Variants in SRRM4 observed in about 807,000 individuals in gnomAD.
SRRM4 encodes the protein serine/arginine repetitive matrix protein 4.
SRRM4 carries 33 observed loss-of-function variants against 68.9 expected under a neutral mutation model. The ratio of observed to expected loss-of-function variants is 0.48; its 90% confidence interval spans 0.36 to 0.64. The LOEUF is 0.64. Among genes scored for constraint, SRRM4 ranks in the 30% least tolerant of loss-of-function variants. The pLI is 0.00. For synonymous variants in SRRM4, 318 were observed against 318.8 expected (o/e 1.00, Z 0.03); for missense variants, 817 against 827.1 (o/e 0.99, Z 0.15).
At position 119,073,147 on chromosome 12, in the gene SRRM4, C is replaced by A. The variant is rs1476606988; in HGVS notation, c.132-29089C>A. Among the ~76,000 whole-genome samples the A allele has an allele frequency of 2.0e-5, 3 of 151,604 alleles. No homozygotes were observed. In the East Asian group the frequency reaches 5.8e-4, roughly 29 times the overall value. Reference sequence around the variant, plus strand: ...ATAATTGAGTCTGGGAACTAGATTGCCAAATGAATTGCCTGGTCTGGGGGA... The same window carrying A: ...ATAATTGAGTCTGGGAACTAGATTGACAAATGAATTGCCTGGTCTGGGGGA... On this transcript the variant is annotated intron_variant, in intron 1 of 12. Coordinates refer to ENST00000267260, the MANE Select transcript of SRRM4 (RefSeq NM_194286.4).
rs1165077731 is a variant in SRRM4 at position 119,116,983 on chromosome 12, A to T, written c.412A>T (p.Ser138Cys). ...PSPVKKKKKK[S>C]SKKHKRRRSF... ...GCCTGTCAAGAAAAAGAAGAAGAAA[A>T]GTTCCAAGAAACACAAGCGACGCAG... Residue 138 changes from serine (S) to cysteine (C), a missense_variant, in exon 4 of 13, where the codon AGT (serine) becomes TGT (cysteine). Physicochemically the swap from Ser to Cys is moderately radical, Grantham distance 112 (BLOSUM62 -1). Coordinates refer to ENST00000267260, the MANE Select transcript of SRRM4 (RefSeq NM_194286.4). The T allele has an allele frequency of 1.2e-6, 2 of 1,613,514 alleles. No individual in the cohort carries two copies. Among genetic ancestry groups the T allele is most frequent in the African/African-American group, 2.7e-5 (2 of 74,888 alleles).
At chr12:119,067,721 TAAATAAAAATAA>T (rs547930690) in intron 1 of SRRM4, among the ~76,000 whole-genome samples, 1 of 151,536 alleles carries the variant, frequency 6.6e-6, no homozygotes, top group Non-Finnish European at 1.5e-5. Context: ...AATAAATAAA[TAAATAAAAATAA>T]AAATAAAAAT....
intron 1 of SRRM4, among the ~76,000 whole-genome samples, chr12:119,052,659 G>A (rs1028424184): frequency 3.9e-5 from 6 of 152,098 alleles, no homozygotes. Flanking sequence ...CTCCCGAGTA[G>A]CTGGGACTAC....
At chr12:119,041,504 G>T (rs1467710354) in intron 1 of SRRM4, among the ~76,000 whole-genome samples, 1 of 152,116 alleles carries the variant, frequency 6.6e-6, no homozygotes, top group Admixed American at 6.5e-5. Flanking sequence ...TCAATTTCAA[G>T]AATAACACGA....
At chr12:119,064,182 C>T (rs1953831623) in intron 1 of SRRM4, among the ~76,000 whole-genome samples, 1 of 152,102 alleles carries the variant, frequency 6.6e-6, no homozygotes, top group Non-Finnish European at 1.5e-5. Flanking sequence ...TTCCAAAAAC[C>T]CCATTATTAA....
chr12:119,021,760 C>T (rs149963833), intron 1 of SRRM4, among the ~76,000 whole-genome samples: 46 of 152,300 alleles, frequency 3.0e-4, no homozygotes, highest in African/African-American at 9.6e-4. Context: ...GACATGGTCT[C>T]GTTCCTTTTT....
At chr12:119,078,555 G>T (rs1363810896) in intron 1 of SRRM4, among the ~76,000 whole-genome samples, 2 of 152,216 alleles carry the variant, frequency 1.3e-5, no homozygotes, top group African/African-American at 4.8e-5. Context: ...TGGTGTTGCT[G>T]ATGCCTCATC....
intron 5 of SRRM4, among the ~76,000 whole-genome samples, chr12:119,121,698 A>C (rs1055258764): frequency 3.3e-5 from 5 of 152,186 alleles, no homozygotes. Flanking sequence ...TTGTGCCTCC[A>C]CCCATAGGTT....
In SRRM4 at chr12:119,100,327, C is replaced by CAAAAAAAAAAAAA. The variant is rs34887621; in HGVS notation, c.132-1905_132-1893dup. 9.2e-4 allele frequency among the ~76,000 whole-genome samples: 97 copies of CAAAAAAAAAAAAA among 105,376 alleles called. 2 individuals are homozygous for CAAAAAAAAAAAAA. The highest frequency in any genetic ancestry group is 2.3e-3 in the African/African-American group (62 of 26,804). The allele number at this position is 105,376 out of a possible 152,430, so 69.1% of individuals were successfully genotyped here. A position where few individuals can be genotyped will look rare whatever the true frequency, so the allele number is the denominator to read the frequency against. On this transcript the variant is annotated intron_variant, in intron 1 of 12. Coordinates refer to ENST00000267260, the MANE Select transcript of SRRM4 (RefSeq NM_194286.4). Reference sequence around the variant, plus strand: ...ACAATACAGTGGGACCCTGTCTCTACAAAAAAAAAAAAAAAATCTGGGTGT... The same window carrying CAAAAAAAAAAAAA: ...ACAATACAGTGGGACCCTGTCTCTACAAAAAAAAAAAAAAAAAAAAAAAAAAAAATCTGGGTGT...
chr12:118,985,858 T>C (rs542924712), intron 1 of SRRM4, among the ~76,000 whole-genome samples: 2 of 152,208 alleles, frequency 1.3e-5, no homozygotes, highest in African/African-American at 4.8e-5. Context: ...TTAATGAACA[T>C]GTAAAAATCA....
rs971109432 is a variant in SRRM4, at chr12:119,130,798, C to A, written c.735C>A (p.Pro245=). 1.2e-6 allele frequency: 2 copies of A among 1,607,892 alleles called. No homozygotes were observed. Among genetic ancestry groups the A allele is most frequent in the Non-Finnish European group, 1.7e-6 (2 of 1,179,764 alleles). Reference sequence around the variant, plus strand: ...AGTCCAGTCGCCCGCCCAGTCAACCCCTCCAGATGCTTGGCTACCTGTCAG... The same window carrying A: ...AGTCCAGTCGCCCGCCCAGTCAACCACTCCAGATGCTTGGCTACCTGTCAG... The part of the protein sequence containing the change: ...EAQSSRPPSQ[P]LQMLGYLSAR... The change falls in exon 8 of 13, where the codon CCC becomes CCA. Residue 245 remains proline, a synonymous_variant. Coordinates refer to ENST00000267260, the MANE Select transcript of SRRM4 (RefSeq NM_194286.4).
chr12:119,025,672 G>A (rs1015492183), intron 1 of SRRM4, among the ~76,000 whole-genome samples: 3 of 152,008 alleles, frequency 2.0e-5, no homozygotes, highest in Non-Finnish European at 4.4e-5. Flanking sequence ...TCAAACTCCC[G>A]ACCTCAGGTG....
chr12:119,122,744 T>C (rs1408512503), intron 6 of SRRM4, among the ~76,000 whole-genome samples: 1 of 152,140 alleles, frequency 6.6e-6, no homozygotes, highest in Non-Finnish European at 1.5e-5. Flanking sequence ...AGTACCTGTG[T>C]ATATTTTGTG....
chr12:118,982,047 A>G (rs1415940943), intron 1 of SRRM4, 34 bp downstream of exon 1: 1 of 1,586,422 alleles, frequency 6.3e-7, no homozygotes, highest in East Asian at 2.3e-5. Context: ...GGGGATCCTG[A>G]AGGTCCTCCT....
At chr12:119,040,411 A>C (rs1594039255) in intron 1 of SRRM4, among the ~76,000 whole-genome samples, 1 of 152,114 alleles carries the variant, frequency 6.6e-6, no homozygotes, top group Admixed American at 6.5e-5. Flanking sequence ...TTGCATCCTC[A>C]TAGCTTAGCT....
chr12:119,134,213 G>T (rs1035311442), intron 8 of SRRM4, among the ~76,000 whole-genome samples: 2 of 152,050 alleles, frequency 1.3e-5, no homozygotes, highest in East Asian at 3.9e-4. Flanking sequence ...AAATTTGGGG[G>T]TTGGTTCTTA....
intron 1 of SRRM4, among the ~76,000 whole-genome samples, chr12:119,022,339 C>G (rs76037219): frequency 0.036 from 5,496 of 152,294 alleles, 370 homozygotes; most frequent in African/African-American, 0.13. Flanking sequence ...GTGCTCAGCA[C>G]TGGTCTAGAT....
At chr12:119,137,233 T>C (rs1954334728) in intron 8 of SRRM4, among the ~76,000 whole-genome samples, 1 of 152,062 alleles carries the variant, frequency 6.6e-6, no homozygotes, top group Non-Finnish European at 1.5e-5. Flanking sequence ...CCTCTCTCTA[T>C]GGGGCCATTT....
intron 12 of SRRM4, among the ~76,000 whole-genome samples, 170 bp from the exon 13 acceptor site, chr12:119,156,325 C>A (rs1039419511): frequency 6.6e-6 from 1 of 152,160 alleles, no homozygotes; most frequent in African/African-American, 2.4e-5. Context: ...TAAGCTGAGA[C>A]TTTTACTTTG....
Sources: gnomAD v4.1 joint callset for allele counts (sites outside exome capture counted in the v4.1 genomes callset) on GRCh38, gnomAD v4.1.1 for gene constraint, MANE v1.5 for transcripts, NCBI Gene and HGNC (gene_info 2026-07-23, HGNC 2026-07-21) for gene names.